The following STRA6 variants were observed in gnomAD, a reference collection of about 807,000 sequenced individuals.
STRA6 encodes receptor for retinol uptake STRA6.
A neutral mutation model predicts 83.6 loss-of-function variants in STRA6; 48 were observed. The ratio of observed to expected loss-of-function variants is 0.57; its 90% CI spans 0.46 to 0.73. STRA6 has a LOEUF of 0.73. Ranked by LOEUF, STRA6 falls within the 30% of genes least tolerant of loss-of-function variation. The pLI is 0.00. For missense variants in STRA6, 760 were observed against 838.8 expected, an observed-to-expected ratio of 0.91 and a Z score of 1.16; for synonymous variants, 353 against 362.3, an observed-to-expected ratio of 0.97 and a Z score of 0.29.
intron 10 of STRA6, 33 bp downstream of exon 10, chr15:74,191,132 CCT>C (rs773695035): frequency 6.5e-5 from 104 of 1,611,170 alleles, no homozygotes; most frequent in Admixed American, 8.4e-5. Context: ...GGTAACGTCC[CCT>C]GTCACGCTCG....
intron 3 of STRA6, 136 bp from the exon 4 acceptor site, chr15:74,197,559 C>A: frequency 1.9e-6 from 2 of 1,078,422 alleles, no homozygotes; most frequent in Non-Finnish European, 2.8e-6. Flanking sequence ...GGGGACTGGT[C>A]AAGGGGTGAC....
chr15:74,194,588 C>A (rs1402519337), intron 7 of STRA6: 3 of 496,698 alleles, frequency 6.0e-6, no homozygotes, highest in African/African-American at 4.0e-5. Flanking sequence ...CTTGGTACCA[C>A]CTGGCATCAT....
intron 7 of STRA6, among the ~76,000 whole-genome samples, 176 bp from the exon 8 acceptor site, chr15:74,194,098 C>A (rs1250196139): frequency 6.6e-6 from 1 of 152,176 alleles, no homozygotes; most frequent in Non-Finnish European, 1.5e-5. Flanking sequence ...CCCACTTCCC[C>A]TTCTCGAGCC....
chr15:74,189,414 T>G, intron 11 of STRA6, 137 bp from the exon 12 acceptor site: 2 of 1,297,780 alleles, frequency 1.5e-6, no homozygotes, highest in Non-Finnish European at 2.1e-6. Context: ...TATCTGCCCC[T>G]TAGAGCAGGG....
chr15:74,195,458 C>T lies in STRA6; in HGVS notation c.441G>A (p.Lys147=). 6.2e-7 allele frequency: 1 copy of T among 1,613,322 alleles called. No homozygotes were observed. The highest frequency in any genetic ancestry group is 1.1e-5 in the South Asian group (1 of 90,736). Residue 147 remains lysine, a synonymous_variant, in exon 7 of 19, where the codon AAG becomes AAA. Transcript: ENST00000395105. Reference sequence around the variant, plus strand: ...CAGCATAATAGAACAGTCCCAGTATCTTCCAGGCCCCTGGAAGGTGAAACA... The same window carrying T: ...CAGCATAATAGAACAGTCCCAGTATTTTCCAGGCCCCTGGAAGGTGAAACA... The part of the protein sequence containing the change: ...GKTEAPRGAW[K]ILGLFYYAAL...
rs1050476909 is a variant in STRA6, at chr15:74,191,414, G to A, written c.788+10C>T. The A allele has an allele frequency of 6.2e-7, 1 of 1,613,934 alleles. No individual in the cohort carries two copies. The highest frequency in any genetic ancestry group is 8.5e-7 in the Non-Finnish European group (1 of 1,179,812). On this transcript the variant is annotated intron_variant, in intron 9 of 18. Transcript: ENST00000395105. ...CCATTGGCCCACAAAGGGTGTGTCA[G>A]AGACCCCACCTGCTTCCCAGCTTCT... is the stretch of plus-strand genomic sequence containing the variant.
intron 2 of STRA6, among the ~76,000 whole-genome samples, chr15:74,199,403 A>T (rs75440514): frequency 0.16 from 24,316 of 152,100 alleles, 2,484 homozygotes; most frequent in Non-Finnish European, 0.23. Flanking sequence ...CGTGAGTAGC[A>T]GCCACACTGA....
Position 74,197,800 on chromosome 15 carries a change from G to T in STRA6, c.132C>A (p.His44Gln). The change falls in exon 3 of 19, where the codon CAC becomes CAA. Residue 44 changes from histidine (H) to glutamine (Q), a missense_variant. His to Gln is a conservative substitution (Grantham distance 24, BLOSUM62 0). Transcript: ENST00000395105. ...LQPEGEVPSC[H>Q]TSIPPGLYHA... ...GGTACAGGCCGGGTGGTATGCTGGT[G>T]TGGCAGGAGGGCACTTCCCTGCAGA... 1 of 1,613,502 alleles carries T rather than the reference G, an allele frequency of 6.2e-7. No homozygotes were observed.
At chr15:74,208,571 T>C (rs2074314650) in intron 1 of STRA6, among the ~76,000 whole-genome samples, 1 of 152,146 alleles carries the variant, frequency 6.6e-6, no homozygotes. Flanking sequence ...ACTCTGCGAA[T>C]GTCTCCTGCC....
At chr15:74,204,940 A>AAAGAAAGAAAG (rs2074226759), upstream of STRA6, among the ~76,000 whole-genome samples, 1 of 151,624 alleles carries the variant, frequency 6.6e-6, no homozygotes, top group African/African-American at 2.4e-5. Flanking sequence ...ATCTCAAAAA[A>AAAGAAAGAAAG]AAAGAAAGAA....
Position 74,182,186 on chromosome 15 carries a change from C to A in STRA6, c.1495G>T (p.Asp499Tyr). ...AAHWVFLETH[D>Y]GHPQLTNRRV... Reference sequence around the variant, plus strand: ...CGGTTGGTCAGCTGTGGGTGTCCATCATGAGTCTCCAGGAAGACCCAATGG... The same window carrying A: ...CGGTTGGTCAGCTGTGGGTGTCCATAATGAGTCTCCAGGAAGACCCAATGG... Residue 499 changes from aspartate (D) to tyrosine (Y), a missense_variant, in exon 16 of 19, where the codon GAT (aspartate) becomes TAT (tyrosine). Coordinates refer to ENST00000395105, the MANE Select transcript of STRA6 (RefSeq NM_022369.4). 6.2e-7 allele frequency: 1 copy of A among 1,614,166 alleles called. No homozygotes were observed. The highest frequency in any genetic ancestry group is 2.2e-5 in the East Asian group (1 of 44,882).
Position 74,180,189 on chromosome 15 carries a change from G to A in STRA6, c.1895C>T (p.Ala632Val). 1 of 1,614,094 alleles carries A rather than the reference G, an allele frequency of 6.2e-7. No homozygotes were observed. The highest frequency in any genetic ancestry group is 8.5e-7 in the Non-Finnish European group (1 of 1,180,026). The change falls in exon 19 of 19, where the codon GCC becomes GTC. Residue 632 changes from alanine (A) to valine (V), a missense_variant. Coordinates refer to ENST00000395105, the MANE Select transcript of STRA6 (RefSeq NM_022369.4). ...DSMAKGARPG[A>V]SRGRARWGLA... The stretch of plus-strand genomic sequence containing the variant: ...ACCCCAGCGAGCCCTGCCGCGGCTG[G>A]CCCCGGGCCTAGCTCCCTTGGCCAT...
chr15:74,181,490 G>A (rs770161440), intron 16 of STRA6, 32 bp from the exon 17 acceptor site: 21 of 1,608,694 alleles, frequency 1.3e-5, no homozygotes, highest in Admixed American at 3.4e-5. Context: ...GAGGCAGGCC[G>A]TTCCCCAGAG....
At chr15:74,186,027 A>G (rs751768483) in intron 12 of STRA6, among the ~76,000 whole-genome samples, 2 of 152,240 alleles carry the variant, frequency 1.3e-5, no homozygotes, top group Non-Finnish European at 2.9e-5. Flanking sequence ...ACATAGCCAC[A>G]GGGATTAGAG....
chr15:74,183,753 ACT>A, intron 14 of STRA6, 101 bp downstream of exon 14: 1 of 1,603,728 alleles, frequency 6.2e-7, no homozygotes, highest in Non-Finnish European at 8.5e-7. Flanking sequence ...TCCCAGACAA[ACT>A]CTGAGGGCAG....
Position 74,191,253 on chromosome 15 carries a change from G to A in STRA6, c.789-10C>T, listed in dbSNP as rs763768450. ...CTTGGAGGTGTGGTAGCTGCAGAAA[G>A]ACCCAGGCAGGTGCGGGGTCCTCAG... On this transcript the variant is annotated splice_polypyrimidine_tract_variant and intron_variant, in intron 9 of 18. Coordinates refer to ENST00000395105, the MANE Select transcript of STRA6 (RefSeq NM_022369.4). The A allele has an allele frequency of 6.2e-7, 1 of 1,613,414 alleles. No homozygotes were observed. Among genetic ancestry groups the A allele is most frequent in the Non-Finnish European group, 8.5e-7 (1 of 1,179,954 alleles).
chr15:74,201,694 T>C (rs1432160482), intron 2 of STRA6, among the ~76,000 whole-genome samples: 1 of 152,074 alleles, frequency 6.6e-6, no homozygotes, highest in African/African-American at 2.4e-5. Context: ...TCCCTTTGGT[T>C]CTCTGCCTTC....
At position 74,180,252 on chromosome 15, in the gene STRA6, G is replaced by A; in HGVS notation, c.1841-9C>T. 1.9e-6 allele frequency: 3 copies of A among 1,614,034 alleles called. No homozygotes were observed. The highest frequency in any genetic ancestry group is 1.1e-5 in the South Asian group (1 of 91,080). On this transcript the variant is annotated splice_polypyrimidine_tract_variant and intron_variant, in intron 18 of 18. Coordinates refer to ENST00000395105, the MANE Select transcript of STRA6 (RefSeq NM_022369.4). Reference sequence around the variant, plus strand: ...CTGTAGCAGCTGCATCCCTGAGAGAGACGGACTTTCTGTGAGTCACTCAGC... The same window carrying A: ...CTGTAGCAGCTGCATCCCTGAGAGAAACGGACTTTCTGTGAGTCACTCAGC...
intron 7 of STRA6, chr15:74,195,012 G>A: frequency 7.0e-7 from 1 of 1,434,448 alleles, no homozygotes. Flanking sequence ...CAGGCATTGG[G>A]GGTGGGGGCC....
Sources: gnomAD v4.1 joint callset for allele counts (sites outside exome capture counted in the v4.1 genomes callset) on GRCh38, gnomAD v4.1.1 for gene constraint, MANE v1.5 for transcripts, NCBI Gene and HGNC (gene_info 2026-07-23, HGNC 2026-07-21) for gene names.